GRM7: variants seen among roughly 807,000 people sequenced by gnomAD.
GRM7 encodes glutamate metabotropic receptor 7, also known as metabotropic glutamate receptor 7.
GRM7 carries 35 observed loss-of-function variants against 84.5 expected under a neutral mutation model. That is an observed-to-expected ratio of 0.41 (90% CI 0.32 to 0.55). GRM7 has a LOEUF of 0.55. Ranked by LOEUF, GRM7 falls within the 20% of genes least tolerant of loss-of-function variation. The pLI is 0.19. For synonymous variants in GRM7, 487 were observed against 455.1 expected, an observed-to-expected ratio of 1.07 and a Z score of -0.89; for missense variants, 1,003 against 1,194.6, an observed-to-expected ratio of 0.84 and a Z score of 2.36.
chr3:6,882,063 C>T (rs986072497), intron 1 of GRM7, among the ~76,000 whole-genome samples: 21 of 151,862 alleles, frequency 1.4e-4, no homozygotes, highest in African/African-American at 5.1e-4. Flanking sequence ...TTTCCTTCAT[C>T]CTCTACCTCT....
At chr3:6,972,602 A>T (rs1241433621) in intron 1 of GRM7, among the ~76,000 whole-genome samples, 1 of 152,208 alleles carries the variant, frequency 6.6e-6, no homozygotes, top group African/African-American at 2.4e-5. Flanking sequence ...ATTGGCAAGA[A>T]CTTGTGAAAG....
At position 6,902,182 on chromosome 3, in the gene GRM7, A is replaced by C. The variant is rs1442803968; in HGVS notation, c.519+40275A>C. Among the ~76,000 whole-genome samples, 7 of 152,200 alleles carry C rather than the reference A, an allele frequency of 4.6e-5. 1 individual carries two copies. The highest frequency in any genetic ancestry group is 3.9e-4 in the Admixed American group (6 of 15,266). On this transcript the variant is annotated intron_variant, in intron 1 of 9. Coordinates refer to ENST00000357716, the MANE Select transcript of GRM7 (RefSeq NM_000844.4). ...ACCTCCGGATTAATGTCTACCGTGA[A>C]GCACATACTTCTAATACATGGCATT... is the stretch of plus-strand genomic sequence containing the variant.
At chr3:7,058,736 T>C (rs950421677) in intron 1 of GRM7, among the ~76,000 whole-genome samples, 1 of 151,884 alleles carries the variant, frequency 6.6e-6, no homozygotes, top group Non-Finnish European at 1.5e-5. Context: ...GGGTCATTTA[T>C]AAACTGATGT....
At chr3:7,155,912 T>G (rs749126434) in intron 2 of GRM7, among the ~76,000 whole-genome samples, 7 of 152,214 alleles carry the variant, frequency 4.6e-5, no homozygotes, top group Non-Finnish European at 1.0e-4. Context: ...ATATTGCTTG[T>G]TACTCTTTTG....
intron 8 of GRM7, among the ~76,000 whole-genome samples, chr3:7,617,301 T>G (rs988713654): frequency 5.9e-5 from 9 of 152,252 alleles, no homozygotes; most frequent in East Asian, 1.9e-4. Context: ...AATAAAAGTG[T>G]CTTAGCAAAT....
intron 2 of GRM7, among the ~76,000 whole-genome samples, chr3:7,169,736 A>G (rs1694921410): frequency 6.6e-6 from 1 of 152,134 alleles, no homozygotes; most frequent in Admixed American, 6.5e-5. Flanking sequence ...TAAACAGGAG[A>G]CATTATTATT....
At chr3:7,440,990 A>G (rs1416069183) in intron 5 of GRM7, among the ~76,000 whole-genome samples, 1 of 152,118 alleles carries the variant, frequency 6.6e-6, no homozygotes, top group Admixed American at 6.6e-5. Context: ...AGAACAATTT[A>G]TGTTCCTTTG....
At chr3:7,342,974 G>A (rs1474585043) in intron 4 of GRM7, among the ~76,000 whole-genome samples, 1 of 152,116 alleles carries the variant, frequency 6.6e-6, no homozygotes, top group Non-Finnish European at 1.5e-5. Context: ...GTTCACAGAT[G>A]TTAAGTACTT....
chr3:7,096,563 C>A lies in GRM7; in HGVS notation c.520-49889C>A, dbSNP rs544762568. Among the ~76,000 whole-genome samples, 3 of 152,178 alleles carry A rather than the reference C, an allele frequency of 2.0e-5. No homozygotes were observed. In the South Asian group the frequency reaches 6.2e-4, roughly 32 times the overall value. Reference sequence around the variant, plus strand: ...CATCAATGTGTTCACCAAGCAGGAACTTCATTGAGCTTCGGTGTCCAGAGT... The same window carrying A: ...CATCAATGTGTTCACCAAGCAGGAAATTCATTGAGCTTCGGTGTCCAGAGT... On this transcript the variant is annotated intron_variant, in intron 1 of 9. Transcript: ENST00000357716.
At chr3:7,240,365 C>A (rs1257737302) in intron 2 of GRM7, among the ~76,000 whole-genome samples, 3 of 151,012 alleles carry the variant, frequency 2.0e-5, no homozygotes, top group African/African-American at 4.9e-5. Flanking sequence ...AATCAGAAAT[C>A]TCCTAATTTT....
chr3:7,459,545 G>A (rs575504776), intron 6 of GRM7, among the ~76,000 whole-genome samples: 2 of 152,180 alleles, frequency 1.3e-5, no homozygotes, highest in South Asian at 4.2e-4. Context: ...GAAGACAAAA[G>A]GCACGTCTTT....
At chr3:6,970,235 G>C (rs1693695324) in intron 1 of GRM7, among the ~76,000 whole-genome samples, 1 of 118,466 alleles carries the variant, frequency 8.4e-6, no homozygotes, top group African/African-American at 3.1e-5. Flanking sequence ...CGATCTACAG[G>C]TTGCAGCTAA....
chr3:7,615,678 A>G (rs1697048460), intron 8 of GRM7, among the ~76,000 whole-genome samples: 1 of 152,022 alleles, frequency 6.6e-6, no homozygotes, highest in Non-Finnish European at 1.5e-5. Flanking sequence ...CAAAGCCTGA[A>G]TTTTATAAGG....
At chr3:7,677,292 A>AAAAAAAAAAAAAAAAC in intron 8 of GRM7, among the ~76,000 whole-genome samples, 1 of 150,842 alleles carries the variant, frequency 6.6e-6, no homozygotes, top group African/African-American at 2.4e-5. Context: ...AAAAAAAAAA[A>AAAAAAAAAAAAAAAAC]AACTTACATA....
intron 8 of GRM7, among the ~76,000 whole-genome samples, chr3:7,589,309 A>T (rs540411270): frequency 1.8e-4 from 27 of 152,340 alleles, no homozygotes; most frequent in African/African-American, 6.3e-4. Flanking sequence ...AACCACATAG[A>T]TGTTTCTACT....
At chr3:7,527,523 G>A (rs1423340048) in intron 7 of GRM7, among the ~76,000 whole-genome samples, 3 of 151,736 alleles carry the variant, frequency 2.0e-5, no homozygotes, top group Admixed American at 6.6e-5. Flanking sequence ...TTATTTCTTT[G>A]TATTGCCTGA....
At chr3:6,934,870 A>G (rs1323792328) in intron 1 of GRM7, among the ~76,000 whole-genome samples, 2 of 152,196 alleles carry the variant, frequency 1.3e-5, no homozygotes, top group Non-Finnish European at 2.9e-5. Context: ...AAAAAAAAGA[A>G]TATTGGAAGA....
intron 7 of GRM7, among the ~76,000 whole-genome samples, chr3:7,536,962 G>A (rs1439905374): frequency 1.3e-5 from 2 of 152,306 alleles, no homozygotes; most frequent in Admixed American, 1.3e-4. Context: ...CATACATGGT[G>A]TTAACTTTCC....
At chr3:7,492,822 C>T (rs771796799) in intron 7 of GRM7, among the ~76,000 whole-genome samples, 7 of 152,024 alleles carry the variant, frequency 4.6e-5, no homozygotes, top group Non-Finnish European at 8.8e-5. Flanking sequence ...GTCATTTAAT[C>T]ATATAAATAT....
Sources: gnomAD v4.1 joint callset for allele counts (sites outside exome capture counted in the v4.1 genomes callset) on GRCh38, gnomAD v4.1.1 for gene constraint, MANE v1.5 for transcripts, NCBI Gene and HGNC (gene_info 2026-07-23, HGNC 2026-07-21) for gene names.